The following ZDHHC23 variants were observed in gnomAD, a reference collection of about 807,000 sequenced individuals.
ZDHHC23 encodes the protein zDHHC palmitoyltransferase 23, also known as palmitoyltransferase ZDHHC23.
Under a neutral mutation model 40.2 loss-of-function variants are expected in ZDHHC23, and 41 were observed. The observed-to-expected ratio is 1.02, with a 90% confidence interval of 0.79 to 1.32. The LOEUF (loss-of-function observed/expected upper bound fraction) is 1.32. Ranked by LOEUF, ZDHHC23 falls within the 40% of genes most tolerant of loss-of-function variation. The probability of loss-of-function intolerance (pLI) is 0.00; values close to 1 mark genes in which losing one functional copy is unlikely to be tolerated. For missense variants in ZDHHC23, 471 were observed against 541.5 expected (o/e 0.87, Z 1.29); for synonymous variants, 204 against 210.2 (o/e 0.97, Z 0.26).
chr3:113,957,683 CTTA>C (rs1328404951), intron 4 of ZDHHC23: 3 of 506,726 alleles, frequency 5.9e-6, no homozygotes, highest in Admixed American at 4.0e-5. Flanking sequence ...TCTGAATGAA[CTTA>C]TTTCTAACTA....
chr3:113,958,368 C>T lies in ZDHHC23; in HGVS notation c.1046C>T (p.Ala349Val). 6.2e-7 allele frequency: 1 copy of T among 1,610,756 alleles called. No individual in the cohort carries two copies. ...AGCCTTTTTCCCTCTCCTAGCTCGG[C>T]TCTGTCCTTCACCTGCGTGTGGTAC... is the stretch of plus-strand genomic sequence containing the variant. Reference protein sequence around the residue: ...CPGVYANYSSALSFTCVWYSV... With the variant: ...CPGVYANYSSVLSFTCVWYSV... Residue 349 changes from alanine to valine, a missense_variant, in exon 5 of 5, where the codon GCT becomes GTT. Ala to Val is a moderately conservative substitution (Grantham distance 64). Around this residue, in one of 3 missense-constraint regions of ZDHHC23, gnomAD observed 346 missense variants for 399.8 expected, o/e 0.87. Coordinates refer to ENST00000638807, the MANE Select transcript of ZDHHC23 (RefSeq NM_001320466.2).
chr3:113,973,550 A>G, the ZDHHC23 span, among the ~76,000 whole-genome samples: 148 of 149,248 alleles, frequency 9.9e-4, 2 homozygotes, highest in African/African-American at 3.5e-3. Context: ...TCTATCCTTC[A>G]TATTTGAAAG....
At chr3:113,978,802 C>G in the ZDHHC23 span, 5 of 1,557,020 alleles carry the variant, frequency 3.2e-6, no homozygotes, top group South Asian at 5.9e-5. Context: ...ATTTAGTTTT[C>G]TTAAATAGAA....
chr3:113,958,470 G>A lies in ZDHHC23; in HGVS notation c.1148G>A (p.Arg383Gln), dbSNP rs373578819. ...AACATCAGCTACAATGTGACTGAGC[G>A]GGAAGTCCAGCAGGCCCTCCGACAG... The part of the protein sequence containing the change: ...LINISYNVTE[R>Q]EVQQALRQKT... The change falls in exon 5 of 5, where the codon CGG becomes CAG. Residue 383 changes from arginine to glutamine, a missense_variant. Transcript: ENST00000638807. 36 of 1,613,942 alleles carry A rather than the reference G, an allele frequency of 2.2e-5. 1 individual carries two copies. The highest frequency in any genetic ancestry group is 1.6e-4 in the Middle Eastern group (1 of 6,084).
downstream of ZDHHC23, among the ~76,000 whole-genome samples, chr3:113,967,010 A>G (rs1559862713): frequency 6.6e-6 from 1 of 152,168 alleles, no homozygotes. Context: ...GAGGCACGAG[A>G]ATCACTTGAA....
At chr3:113,978,818 C>A in the ZDHHC23 span, 6 of 1,584,528 alleles carry the variant, frequency 3.8e-6, no homozygotes, top group Non-Finnish European at 8.6e-7. Context: ...TAGAATTGAG[C>A]AATGAGATGT....
downstream of ZDHHC23, among the ~76,000 whole-genome samples, chr3:113,966,271 A>G (rs1470393264): frequency 1.3e-5 from 2 of 152,202 alleles, no homozygotes; most frequent in Non-Finnish European, 2.9e-5. Flanking sequence ...CATGGTATGG[A>G]AGACTGTTTA....
chr3:113,951,037 C>T (rs1340794147), intron 2 of ZDHHC23, among the ~76,000 whole-genome samples: 1 of 152,220 alleles, frequency 6.6e-6, no homozygotes, highest in East Asian at 1.9e-4. Context: ...CCCCAAGGCT[C>T]TGGGTGTCCC....
At position 113,958,462 on chromosome 3, in the gene ZDHHC23, G is replaced by A. The variant is rs143268831; in HGVS notation, c.1140G>A (p.Val380=). The A allele has an allele frequency of 6.2e-7, 1 of 1,614,144 alleles. No individual in the cohort carries two copies. The highest frequency in any genetic ancestry group is 1.3e-5 in the African/African-American group (1 of 75,034). Residue 380 remains valine, a synonymous_variant, in exon 5 of 5, where the codon GTG becomes GTA. Coordinates refer to ENST00000638807, the MANE Select transcript of ZDHHC23 (RefSeq NM_001320466.2). ...AGCTGATCAACATCAGCTACAATGT[G>A]ACTGAGCGGGAAGTCCAGCAGGCCC... ...LIQLINISYN[V]TEREVQQALR...
chr3:113,962,777 G>T lies in ZDHHC23; in HGVS notation c.*4147G>T, dbSNP rs995936263. On this transcript the variant is annotated 3_prime_UTR_variant, in exon 5 of 5. Transcript: ENST00000638807. Reference sequence around the variant, plus strand: ...AATGTAACTGGTCTAGCAACATTAAGGGGGATTTCTGAAGCCAACTCCGGA... The same window carrying T: ...AATGTAACTGGTCTAGCAACATTAATGGGGATTTCTGAAGCCAACTCCGGA... 3 of 152,122 alleles carry T rather than the reference G, an allele frequency of 2.0e-5. No individual in the cohort carries two copies. The highest frequency in any genetic ancestry group is 4.8e-5 in the African/African-American group (2 of 41,418). The allele number at this position is 152,122 out of a possible 1,614,324, so 9.4% of individuals were successfully genotyped here.
chr3:113,948,961 T>G lies in ZDHHC23; in HGVS notation c.159T>G (p.Asp53Glu). 3.1e-6 allele frequency: 5 copies of G among 1,614,174 alleles called. No individual in the cohort carries two copies. Among genetic ancestry groups the G allele is most frequent in the Non-Finnish European group, 4.2e-6 (5 of 1,180,038 alleles). ...GTCAAGATCTGGATGAAGGGTGTGA[T>G]CGGTAAGAACAGAGCATTTCTTGAC... ...CDCQDLDEGC[D>E]RWITCKSLQP... The change falls in exon 2 of 5, where the codon GAT (aspartate) becomes GAG (glutamate). Residue 53 changes from aspartate (D) to glutamate (E), a missense_variant and splice_region_variant. Transcript: ENST00000638807.
At chr3:113,967,314 T>C (rs1379808188), downstream of ZDHHC23, among the ~76,000 whole-genome samples, 7 of 152,164 alleles carry the variant, frequency 4.6e-5, no homozygotes, top group Admixed American at 3.9e-4. Flanking sequence ...CCTGCTGTTC[T>C]ACCCTAACTG....
chr3:113,953,791 G>A lies in ZDHHC23; in HGVS notation c.253G>A (p.Ala85Thr), dbSNP rs1449084217. Reference protein sequence around the residue: ...DRLRIPWLRGAKKVNISIIPP... With the variant: ...DRLRIPWLRGTKKVNISIIPP... ...CCTCCGAATTCCTTGGCTTAGGGGA[G>A]CCAAAAAAGTGAACATCAGCATCAT... Residue 85 changes from alanine to threonine, a missense_variant, in exon 3 of 5, where the codon GCC (alanine) becomes ACC (threonine). Transcript: ENST00000638807. The A allele has an allele frequency of 6.2e-7, 1 of 1,614,082 alleles. No individual in the cohort carries two copies. Among genetic ancestry groups the A allele is most frequent in the Non-Finnish European group, 8.5e-7 (1 of 1,180,050 alleles).
In ZDHHC23 at chr3:113,953,895, C is replaced by G. The variant is rs921768675; in HGVS notation, c.357C>G (p.Ser119=). ...TCCTGGGGGTGGTGGTTTTGACCTC[C>G]CTTCCTGTGCTGGCACTGTGGTACT... The part of the protein sequence containing the change: ...HFLLGVVVLT[S]LPVLALWYYY... The change falls in exon 3 of 5, where the codon TCC becomes TCG. Residue 119 remains serine (S), a synonymous_variant. Coordinates refer to ENST00000638807, the MANE Select transcript of ZDHHC23 (RefSeq NM_001320466.2). 11 of 1,614,000 alleles carry G rather than the reference C, an allele frequency of 6.8e-6. No individual in the cohort carries two copies. Among genetic ancestry groups the G allele is most frequent in the African/African-American group, 2.7e-5 (2 of 74,886 alleles).
At chr3:113,967,087 A>T (rs1229032587), downstream of ZDHHC23, among the ~76,000 whole-genome samples, 2 of 150,394 alleles carry the variant, frequency 1.3e-5, no homozygotes, top group African/African-American at 4.8e-5. Flanking sequence ...TAACAGAGTG[A>T]GACTCTTGTC....
chr3:113,974,651 A>G, the ZDHHC23 span, among the ~76,000 whole-genome samples: 6 of 152,294 alleles, frequency 3.9e-5, no homozygotes, highest in South Asian at 2.1e-4. Flanking sequence ...ATATATGTCT[A>G]TGCCTTTGCA....
In ZDHHC23 at chr3:113,960,848, A is replaced by G. The variant is rs1191111934; in HGVS notation, c.*2218A>G. ...AGAACCCATGATGGACAGTTGACAG[A>G]ATGCTTAAACCTGTCAAAAGATGAG... On this transcript the variant is annotated 3_prime_UTR_variant, in exon 5 of 5. Transcript: ENST00000638807. The G allele has an allele frequency of 1.4e-6, 2 of 1,451,048 alleles. No individual in the cohort carries two copies. Among genetic ancestry groups the G allele is most frequent in the South Asian group, 2.9e-5 (2 of 70,150 alleles). The allele number at this position is 1,451,048 out of a possible 1,614,324, so 89.9% of individuals were successfully genotyped here.
At chr3:113,969,157 G>A (rs574648258), downstream of ZDHHC23, among the ~76,000 whole-genome samples, 2 of 152,288 alleles carry the variant, frequency 1.3e-5, no homozygotes, top group East Asian at 3.9e-4. Context: ...CATTCATTAA[G>A]CAATCCATCT....
downstream of ZDHHC23, among the ~76,000 whole-genome samples, chr3:113,966,179 A>AC (rs1940146113): frequency 6.6e-6 from 1 of 152,118 alleles, no homozygotes; most frequent in African/African-American, 2.4e-5. Flanking sequence ...TGGTAACCTG[A>AC]CCTCCAACAG....
Sources: allele counts gnomAD v4.1 joint callset (sites outside exome capture counted in the v4.1 genomes callset), GRCh38; gene constraint gnomAD v4.1.1; regional missense constraint gnomAD v4.1.1; transcripts MANE v1.5; gene names NCBI Gene and HGNC (gene_info 2026-07-23, HGNC 2026-07-21).